Variants in XKR6 observed in about 807,000 individuals in gnomAD.
XKR6 encodes the protein XK-related protein 6.
Under a neutral mutation model 56.7 loss-of-function variants are expected in XKR6, and 22 were observed. The ratio of observed to expected loss-of-function variants is 0.39; its 90% confidence interval spans 0.28 to 0.55. The LOEUF is 0.55. Among genes scored for constraint, XKR6 ranks in the 20% least tolerant of loss-of-function variants. The pLI is 0.66. For synonymous variants in XKR6, 524 were observed against 387.8 expected, an observed-to-expected ratio of 1.35 and a Z score of -4.13; for missense variants, 852 against 889.0, an observed-to-expected ratio of 0.96 and a Z score of 0.53.
At chr8:10,973,533 G>A (rs1802466703) in intron 1 of XKR6, among the ~76,000 whole-genome samples, 1 of 152,138 alleles carries the variant, frequency 6.6e-6, no homozygotes, top group South Asian at 2.1e-4. Context: ...CTGATGCTCA[G>A]GGAAAGCGTA....
At chr8:11,019,150 C>T (rs1320156915) in intron 1 of XKR6, among the ~76,000 whole-genome samples, 8 of 152,164 alleles carry the variant, frequency 5.3e-5, no homozygotes, top group African/African-American at 1.4e-4. Flanking sequence ...GCCTGGGGCC[C>T]GTAAAAGACC....
intron 1 of XKR6, among the ~76,000 whole-genome samples, chr8:11,093,966 G>C (rs1798174700): frequency 6.6e-6 from 1 of 151,964 alleles, no homozygotes. Context: ...TGTATTTTTA[G>C]TAGAGATGGG....
intron 1 of XKR6, among the ~76,000 whole-genome samples, chr8:11,127,652 C>T (rs904464970): frequency 3.3e-5 from 5 of 152,178 alleles, no homozygotes; most frequent in Non-Finnish European, 5.9e-5. Flanking sequence ...CTCTCTTTCA[C>T]TTAGGAGGCC....
At chr8:11,009,173 G>A (rs539140506) in intron 1 of XKR6, among the ~76,000 whole-genome samples, 4 of 152,136 alleles carry the variant, frequency 2.6e-5, no homozygotes, top group South Asian at 4.2e-4. Flanking sequence ...ATCAAGTTCC[G>A]TGTGTGTAAG....
chr8:11,019,937 TATAA>T, intron 1 of XKR6, among the ~76,000 whole-genome samples: 1 of 152,230 alleles, frequency 6.6e-6, no homozygotes, highest in Non-Finnish European at 1.5e-5. Flanking sequence ...GGCGGCAGGC[TATAA>T]ATAGTGGAGG....
At chr8:11,041,859 C>T (rs1298048237) in intron 1 of XKR6, among the ~76,000 whole-genome samples, 1 of 152,228 alleles carries the variant, frequency 6.6e-6, no homozygotes, top group Admixed American at 6.5e-5. Flanking sequence ...AGTTTTCTCT[C>T]TGCACCAACA....
chr8:11,034,639 C>A (rs1586457783), intron 1 of XKR6, among the ~76,000 whole-genome samples: 2 of 152,226 alleles, frequency 1.3e-5, no homozygotes, highest in African/African-American at 2.4e-5. Flanking sequence ...TGGGAGACAA[C>A]TTTGTCCCTA....
intron 1 of XKR6, among the ~76,000 whole-genome samples, chr8:11,147,615 C>G (rs1222593613): frequency 6.7e-6 from 1 of 148,336 alleles, no homozygotes; most frequent in African/African-American, 2.5e-5. Flanking sequence ...AAGATCGTGC[C>G]ACTGCACTCC....
At chr8:11,086,148 ATT>A (rs372566415) in intron 1 of XKR6, among the ~76,000 whole-genome samples, 16 of 120,708 alleles carry the variant, frequency 1.3e-4, no homozygotes, top group South Asian at 7.1e-4. Flanking sequence ...ATATATATAT[ATT>A]TTTTTTTAAA....
chr8:10,912,260 A>C (rs1800405542), intron 2 of XKR6, among the ~76,000 whole-genome samples: 1 of 136,290 alleles, frequency 7.3e-6, no homozygotes, highest in Admixed American at 7.6e-5. Context: ...GTGTGTATAT[A>C]TATACAGAGA....
chr8:11,062,038 C>T (rs1222211011), intron 1 of XKR6, among the ~76,000 whole-genome samples: 3 of 152,190 alleles, frequency 2.0e-5, no homozygotes, highest in African/African-American at 7.2e-5. Context: ...GGAAAATCAT[C>T]TGAAAGCACT....
At chr8:11,133,179 C>A (rs981170868) in intron 1 of XKR6, among the ~76,000 whole-genome samples, 1 of 151,320 alleles carries the variant, frequency 6.6e-6, no homozygotes, top group African/African-American at 2.5e-5. Context: ...TTATAAAAAG[C>A]TTATCGCTTT....
At chr8:11,113,421 C>T (rs1799003677) in intron 1 of XKR6, among the ~76,000 whole-genome samples, 1 of 152,152 alleles carries the variant, frequency 6.6e-6, no homozygotes, top group Non-Finnish European at 1.5e-5. Flanking sequence ...AAAAAGAAGC[C>T]ACTGTATTAT....
intron 1 of XKR6, among the ~76,000 whole-genome samples, chr8:10,972,623 T>C (rs1802440663): frequency 1.3e-5 from 2 of 152,222 alleles, no homozygotes; most frequent in South Asian, 2.1e-4. Context: ...AAAGGACGAA[T>C]ACTGTATGAT....
At chr8:11,061,803 A>C (rs979373284) in intron 1 of XKR6, among the ~76,000 whole-genome samples, 3 of 152,202 alleles carry the variant, frequency 2.0e-5, no homozygotes, top group Non-Finnish European at 2.9e-5. Flanking sequence ...GCTGGGCTGA[A>C]GAAGAGGCAG....
At chr8:11,180,828 G>T (rs944315762) in intron 1 of XKR6, among the ~76,000 whole-genome samples, 2 of 152,174 alleles carry the variant, frequency 1.3e-5, no homozygotes, top group African/African-American at 2.4e-5. Context: ...GAGCACACCA[G>T]CCCAGGAGTT....
intron 2 of XKR6, among the ~76,000 whole-genome samples, chr8:10,908,153 C>T (rs1326881518): frequency 3.3e-5 from 5 of 152,182 alleles, no homozygotes; most frequent in East Asian, 3.9e-4. Context: ...GTGGCCCTGC[C>T]GGGCAGAAGA....
intron 1 of XKR6, among the ~76,000 whole-genome samples, chr8:10,936,080 G>A (rs1290192006): frequency 1.3e-5 from 2 of 150,554 alleles, no homozygotes; most frequent in African/African-American, 4.9e-5. Context: ...GAATCTGGGT[G>A]CTCCTGTGTT....
chr8:10,983,756 C>T (rs1269826761), intron 1 of XKR6, among the ~76,000 whole-genome samples: 4 of 151,904 alleles, frequency 2.6e-5, no homozygotes, highest in African/African-American at 9.7e-5. Context: ...CCCAGGTTCA[C>T]ACAATTCTCC....
Sources: gnomAD v4.1 joint callset for allele counts (sites outside exome capture counted in the v4.1 genomes callset) on GRCh38, gnomAD v4.1.1 for gene constraint, MANE v1.5 for transcripts, NCBI Gene and HGNC (gene_info 2026-07-23, HGNC 2026-07-21) for gene names.